The following ENTPD1 variants were observed in gnomAD, a reference collection of about 807,000 sequenced individuals.
The protein encoded by ENTPD1 is ATP diphosphohydrolase.
Under a neutral mutation model 57.0 loss-of-function variants are expected in ENTPD1, and 33 were observed. That is an observed-to-expected ratio of 0.58 (90% CI 0.44 to 0.77). The LOEUF (loss-of-function observed/expected upper bound fraction) is 0.77, where lower values mean the gene tolerates loss of function less well. Among genes scored for constraint, ENTPD1 ranks in the 30% least tolerant of loss-of-function variants. ENTPD1 has a pLI of 0.00. For synonymous variants in ENTPD1, 202 were observed against 218.8 expected, an observed-to-expected ratio of 0.92 and a Z score of 0.68; for missense variants, 501 against 603.4, an observed-to-expected ratio of 0.83 and a Z score of 1.78.
At chr10:95,836,645 C>G (rs1330281236) in intron 2 of ENTPD1, among the ~76,000 whole-genome samples, 1 of 152,200 alleles carries the variant, frequency 6.6e-6, no homozygotes, top group Non-Finnish European at 1.5e-5. Context: ...GGTTTCTCCA[C>G]TGCCAGACTT....
intron 1 of ENTPD1, among the ~76,000 whole-genome samples, chr10:95,715,008 A>G (rs2097969894): frequency 6.6e-6 from 1 of 152,228 alleles, no homozygotes; most frequent in African/African-American, 2.4e-5. Flanking sequence ...GGAGAGAGTT[A>G]TTCCCCTCGG....
intron 1 of ENTPD1, among the ~76,000 whole-genome samples, chr10:95,722,166 A>G (rs2097978181): frequency 1.3e-5 from 2 of 151,992 alleles, no homozygotes; most frequent in Admixed American, 6.5e-5. Flanking sequence ...CAGCAAACCA[A>G]TTATTAGGCA....
At chr10:95,703,855 C>T in the ENTPD1 span, among the ~76,000 whole-genome samples, 1 of 149,152 alleles carries the variant, frequency 6.7e-6, no homozygotes, top group South Asian at 2.1e-4. Flanking sequence ...CTTTGCGAGG[C>T]TGAGGTGGGT....
intron 1 of ENTPD1, among the ~76,000 whole-genome samples, chr10:95,777,859 A>G (rs1365085266): frequency 6.6e-6 from 1 of 152,220 alleles, no homozygotes; most frequent in African/African-American, 2.4e-5. Flanking sequence ...AACCTCGGCA[A>G]TGGCGGATGC....
intron 1 of ENTPD1, among the ~76,000 whole-genome samples, chr10:95,817,395 G>A (rs2098333659): frequency 6.6e-6 from 1 of 152,174 alleles, no homozygotes; most frequent in Non-Finnish European, 1.5e-5. Context: ...AGGCAGGGAT[G>A]TGCCACCCTA....
intron 1 of ENTPD1, among the ~76,000 whole-genome samples, chr10:95,730,714 G>A (rs2097988255): frequency 6.6e-6 from 1 of 152,158 alleles, no homozygotes; most frequent in African/African-American, 2.4e-5. Context: ...TTATGTAAAT[G>A]TCTTCCTAAT....
intron 1 of ENTPD1, among the ~76,000 whole-genome samples, chr10:95,773,723 C>T (rs920866754): frequency 6.6e-5 from 10 of 152,138 alleles, no homozygotes; most frequent in African/African-American, 9.7e-5. Context: ...TTTCTTAATC[C>T]GGTCTATCAC....
rs2098479258 is a variant in ENTPD1, at chr10:95,870,529, T to A, written c.*4146T>A. On this transcript the variant is annotated 3_prime_UTR_variant, in exon 10 of 10. Transcript: ENST00000371205. The stretch of plus-strand genomic sequence containing the variant: ...CCTGCCCTCAAGCAATCCTCCTGCC[T>A]TGGCCTCCCAAAGTGTTGAGATTAC... The A allele has an allele frequency of 1.0e-6, 1 of 979,014 alleles. No individual in the cohort carries two copies. The highest frequency in any genetic ancestry group is 1.2e-6 in the Non-Finnish European group (1 of 824,252). The allele number at this position is 979,014 out of a possible 1,614,324, so 60.6% of individuals were successfully genotyped here.
At chr10:95,777,071 G>A (rs1349867452) in intron 1 of ENTPD1, among the ~76,000 whole-genome samples, 3 of 152,116 alleles carry the variant, frequency 2.0e-5, no homozygotes, top group African/African-American at 7.2e-5. Flanking sequence ...CGATGGGTTC[G>A]AACATCCTCC....
intron 1 of ENTPD1, among the ~76,000 whole-genome samples, chr10:95,737,660 T>C (rs1007928053): frequency 6.6e-6 from 1 of 152,200 alleles, no homozygotes; most frequent in African/African-American, 2.4e-5. Flanking sequence ...GTGCTGCCAT[T>C]ACACGCTTGA....
At chr10:95,753,325 T>C (rs932839439), upstream of ENTPD1, 2 of 152,220 alleles carry the variant, frequency 1.3e-5, no homozygotes, top group African/African-American at 4.8e-5. Flanking sequence ...TACTTAACCA[T>C]AGTATTTTCA....
intron 1 of ENTPD1, among the ~76,000 whole-genome samples, chr10:95,777,661 G>A (rs141050763): frequency 0.034 from 5,136 of 152,316 alleles, 119 homozygotes; most frequent in Non-Finnish European, 0.049. Flanking sequence ...CAAACACCAT[G>A]CTGGGAGAAC....
intron 1 of ENTPD1, among the ~76,000 whole-genome samples, chr10:95,773,212 T>A (rs1246634259): frequency 2.6e-5 from 4 of 152,208 alleles, no homozygotes; most frequent in African/African-American, 4.8e-5. Flanking sequence ...ACCTCCCATT[T>A]GGCCCCACCT....
chr10:95,726,400 C>T (rs1376424181), intron 1 of ENTPD1, among the ~76,000 whole-genome samples: 1 of 152,026 alleles, frequency 6.6e-6, no homozygotes, highest in African/African-American at 2.4e-5. Context: ...TCCAAAAATT[C>T]TTATTTAACA....
rs1276814328 is a variant in ENTPD1 at position 95,797,592 on chromosome 10, G to T, written c.17-25645G>T. On this transcript the variant is annotated intron_variant, in intron 1 of 9. Transcript: ENST00000371205. ...AGTATAGTGCCAACATCTGCTTCTG[G>T]TGAGGGCCTCAGGAAGCTTACAATT... Among the ~76,000 whole-genome samples, 4 of 152,196 alleles carry T rather than the reference G, an allele frequency of 2.6e-5. 1 individual carries two copies. The South Asian group carries it at 8.3e-4, about 32-fold the overall frequency.
intron 1 of ENTPD1, among the ~76,000 whole-genome samples, chr10:95,765,363 T>C (rs183849873): frequency 6.6e-6 from 1 of 152,354 alleles, no homozygotes; most frequent in African/African-American, 2.4e-5. Context: ...TTAGTTTTTG[T>C]ATATGTTATG....
At chr10:95,731,282 A>G (rs192469461) in intron 1 of ENTPD1, among the ~76,000 whole-genome samples, 37 of 152,236 alleles carry the variant, frequency 2.4e-4, no homozygotes, top group Admixed American at 1.7e-3. Flanking sequence ...GCTTCTGGTT[A>G]GGTTCAGCAG....
At chr10:95,788,766 G>A (rs78415139) in intron 1 of ENTPD1, among the ~76,000 whole-genome samples, 2,733 of 152,288 alleles carry the variant, frequency 0.018, 36 homozygotes, top group Admixed American at 0.025. Context: ...ACGAGGAGGC[G>A]AGAAAGTATG....
chr10:95,795,807 G>T (rs1368965470), intron 1 of ENTPD1, among the ~76,000 whole-genome samples: 1 of 152,178 alleles, frequency 6.6e-6, no homozygotes, highest in Non-Finnish European at 1.5e-5. Context: ...AGATACAATG[G>T]AGAGTTAACC....
Sources: allele counts gnomAD v4.1 joint callset (sites outside exome capture counted in the v4.1 genomes callset), GRCh38; gene constraint gnomAD v4.1.1; transcripts MANE v1.5; gene names NCBI Gene and HGNC (gene_info 2026-07-23, HGNC 2026-07-21).